SPATA17: variants seen among roughly 807,000 people sequenced by gnomAD.
SPATA17 encodes the protein spermatogenesis associated 17.
SPATA17 carries 53 observed loss-of-function variants against 62.2 expected under a neutral mutation model. The ratio of observed to expected loss-of-function variants is 0.85; its 90% CI spans 0.68 to 1.07. The LOEUF (loss-of-function observed/expected upper bound fraction) is 1.07. Among genes scored for constraint, SPATA17 ranks in the 50% least tolerant of loss-of-function variants. The pLI, the probability that SPATA17 is intolerant of heterozygous loss-of-function variation, is 0.00. For missense variants in SPATA17, 466 were observed against 425.5 expected, an observed-to-expected ratio of 1.10 and a Z score of -0.84; for synonymous variants, 146 against 146.8, an observed-to-expected ratio of 0.99 and a Z score of 0.04.
At chr1:217,761,988 T>C (rs976863529) in intron 6 of SPATA17, among the ~76,000 whole-genome samples, 3 of 152,224 alleles carry the variant, frequency 2.0e-5, no homozygotes, top group Non-Finnish European at 4.4e-5. Flanking sequence ...TCCGTCCTCA[T>C]GCTGTTCCAC....
chr1:217,855,263 T>A (rs1675756015), intron 9 of SPATA17, among the ~76,000 whole-genome samples: 1 of 152,180 alleles, frequency 6.6e-6, no homozygotes. Context: ...ATATAGCCTT[T>A]CTCCTTTTTA....
At chr1:217,704,909 G>C (rs1671697233) in intron 5 of SPATA17, among the ~76,000 whole-genome samples, 1 of 151,982 alleles carries the variant, frequency 6.6e-6, no homozygotes, top group Non-Finnish European at 1.5e-5. Flanking sequence ...TATTCCTTTG[G>C]GTATATACCC....
rs994618995 is a variant in SPATA17 at position 217,801,620 on chromosome 1, C to T, written c.873-98C>T. 6.5e-6 allele frequency: 6 copies of T among 917,040 alleles called. No individual in the cohort carries two copies. In the African/African-American group the frequency reaches 8.5e-5, roughly 13 times the overall value. The allele number at this position is 917,040 out of a possible 1,614,324, so 56.8% of individuals were successfully genotyped here. ...GGTATTCTGATTCTAAATCTTGTAT[C>T]ATTTTCACTGTACTATAGTACTTCT... On this transcript the variant is annotated intron_variant, in intron 8 of 10. Coordinates refer to ENST00000366933, the MANE Select transcript of SPATA17 (RefSeq NM_138796.4).
chr1:217,774,644 A>G, intron 7 of SPATA17, 107 bp downstream of exon 7: 1 of 856,750 alleles, frequency 1.2e-6, no homozygotes, highest in Non-Finnish European at 1.8e-6. Flanking sequence ...TATATAGTTT[A>G]GTGGGATTAA....
chr1:217,640,479 AG>A (rs1670036429), intron 1 of SPATA17, among the ~76,000 whole-genome samples: 1 of 152,168 alleles, frequency 6.6e-6, no homozygotes, highest in Non-Finnish European at 1.5e-5. Context: ...CATTTTTAAT[AG>A]CATCAAAATG....
chr1:217,765,761 A>C (rs1469327425), intron 6 of SPATA17, among the ~76,000 whole-genome samples: 2 of 152,006 alleles, frequency 1.3e-5, no homozygotes, highest in Non-Finnish European at 2.9e-5. Flanking sequence ...GAGGTGTTGA[A>C]TTCTCCCACT....
At chr1:217,805,053 T>C (rs1005330589) in intron 9 of SPATA17, among the ~76,000 whole-genome samples, 5 of 152,108 alleles carry the variant, frequency 3.3e-5, no homozygotes, top group African/African-American at 1.2e-4. Context: ...GGAAGTGAAA[T>C]CCATATATTG....
chr1:217,636,131 CAAAAA>C (rs397982927), intron 1 of SPATA17, among the ~76,000 whole-genome samples: 1 of 101,654 alleles, frequency 9.8e-6, no homozygotes, highest in East Asian at 2.5e-4. Flanking sequence ...GACTCCGTCT[CAAAAA>C]AAAAAAAAAA....
rs1439149270 is a variant in SPATA17, at chr1:217,667,153, T to G, written c.241-1880T>G. ...ACCTCCGCCTCCCAGGTTCAAGAGA[T>G]TCTCCTGCCTCAGCCTCCTGAGTAG... On this transcript the variant is annotated intron_variant, in intron 3 of 10. Coordinates refer to ENST00000366933, the MANE Select transcript of SPATA17 (RefSeq NM_138796.4). Among the ~76,000 whole-genome samples the G allele has an allele frequency of 3.3e-5, 5 of 150,948 alleles. No homozygotes were observed. The East Asian group carries it at 9.8e-4, about 30-fold the overall frequency.
intron 7 of SPATA17, among the ~76,000 whole-genome samples, chr1:217,778,882 C>T (rs970099197): frequency 6.6e-6 from 1 of 152,132 alleles, no homozygotes; most frequent in African/African-American, 2.4e-5. Context: ...TTTCTCAATA[C>T]AACCTCTGTA....
chr1:217,698,714 TTGTGTGTGTGTGTG>T (rs139955351), intron 5 of SPATA17, among the ~76,000 whole-genome samples: 1 of 151,928 alleles, frequency 6.6e-6, no homozygotes, highest in Non-Finnish European at 1.5e-5. Flanking sequence ...CAAATTTACT[TTGTGTGTGTGTGTG>T]TCTGTGTGTA....
At chr1:217,775,702 T>G (rs60658812) in intron 7 of SPATA17, among the ~76,000 whole-genome samples, 136,999 of 151,794 alleles carry the variant, frequency 0.9, 61,959 homozygotes, top group African/African-American at 0.92. Flanking sequence ...TATATATATA[T>G]AGAGAGAGTC....
At chr1:217,698,954 T>C (rs940385126) in intron 5 of SPATA17, among the ~76,000 whole-genome samples, 2 of 152,224 alleles carry the variant, frequency 1.3e-5, no homozygotes, top group Non-Finnish European at 1.5e-5. Context: ...GAATATTATA[T>C]AAATGGAGTG....
rs1393668438 is a variant in SPATA17 at position 217,666,974 on chromosome 1, C to A, written c.241-2059C>A. Among the ~76,000 whole-genome samples the A allele has an allele frequency of 2.0e-5, 3 of 150,906 alleles. No individual in the cohort carries two copies. The East Asian group carries it at 5.8e-4, about 29-fold the overall frequency. On this transcript the variant is annotated intron_variant, in intron 3 of 10. Transcript: ENST00000366933. ...GATTCAGAATTCTTTATTTCAAAAT[C>A]TGAATCTTTTTTTCCTGTTAGTTCA...
intron 9 of SPATA17, among the ~76,000 whole-genome samples, chr1:217,851,164 C>T (rs528960961): frequency 6.6e-6 from 1 of 152,192 alleles, no homozygotes; most frequent in South Asian, 2.1e-4. Flanking sequence ...CAGCAGCAAT[C>T]AGTTTATCTT....
At chr1:217,793,975 G>T (rs548894753) in intron 8 of SPATA17, among the ~76,000 whole-genome samples, 1 of 152,112 alleles carries the variant, frequency 6.6e-6, no homozygotes, top group Admixed American at 6.5e-5. Flanking sequence ...AATTAGTTGG[G>T]TGTGGTGGCG....
intron 1 of SPATA17, among the ~76,000 whole-genome samples, chr1:217,634,913 T>TTGC (rs1342540009): frequency 6.6e-6 from 1 of 151,988 alleles, no homozygotes; most frequent in African/African-American, 2.4e-5. Context: ...GTTGTTGTTG[T>TTGC]TGTTGTTGTT....
At chr1:217,708,488 C>T (rs953772561) in intron 5 of SPATA17, among the ~76,000 whole-genome samples, 10 of 151,942 alleles carry the variant, frequency 6.6e-5, no homozygotes, top group African/African-American at 1.9e-4. Flanking sequence ...ATACAACCTC[C>T]CAAGATTGAA....
chr1:217,669,115 A>G (rs540384101), intron 4 of SPATA17, 32 bp downstream of exon 4: 2 of 1,591,316 alleles, frequency 1.3e-6, no homozygotes, highest in African/African-American at 2.7e-5. Flanking sequence ...AAACAAATGA[A>G]AAGTCAATTG....
Sources: gnomAD v4.1 joint callset for allele counts (sites outside exome capture counted in the v4.1 genomes callset) on GRCh38, gnomAD v4.1.1 for gene constraint, MANE v1.5 for transcripts, NCBI Gene and HGNC (gene_info 2026-07-23, HGNC 2026-07-21) for gene names.